HECW2: variants seen among roughly 807,000 people sequenced by gnomAD.
The protein encoded by HECW2 is HECT, C2 and WW domain containing E3 ubiquitin protein ligase 2.
Under a neutral mutation model 175.2 loss-of-function variants are expected in HECW2, and 61 were observed. The observed-to-expected ratio is 0.35, with a 90% CI of 0.28 to 0.43. The LOEUF is 0.43. Ranked by LOEUF, HECW2 falls within the 20% of genes least tolerant of loss-of-function variation. The pLI is 1.00. For synonymous variants in HECW2, 671 were observed against 731.0 expected (o/e 0.92, Z 1.32); for missense variants, 1,524 against 2,000.5 (o/e 0.76, Z 4.54).
At chr2:196,344,625 G>A (rs1477644397) in intron 2 of HECW2, among the ~76,000 whole-genome samples, 1 of 152,128 alleles carries the variant, frequency 6.6e-6, no homozygotes, top group African/African-American at 2.4e-5. Context: ...TGTCTTAGTG[G>A]CCCAGAATAG....
chr2:196,324,675 TA>T (rs1692078103), intron 6 of HECW2, among the ~76,000 whole-genome samples: 1 of 152,206 alleles, frequency 6.6e-6, no homozygotes, highest in African/African-American at 2.4e-5. Context: ...TAAATGTTCA[TA>T]TTTTATTCAT....
intron 1 of HECW2, 34 bp from the exon 2 acceptor site, chr2:196,433,492 C>G: frequency 6.7e-7 from 1 of 1,489,250 alleles, no homozygotes; most frequent in East Asian, 2.3e-5. Context: ...AACATTAGTG[C>G]TACAATACGA....
intron 1 of HECW2, among the ~76,000 whole-genome samples, chr2:196,539,354 C>T (rs1219672792): frequency 3.3e-5 from 5 of 152,268 alleles, no homozygotes; most frequent in South Asian, 4.1e-4. Context: ...TTACGTAGGC[C>T]GGACGCAGTG....
At chr2:196,575,934 T>A (rs1174688148) in intron 1 of HECW2, among the ~76,000 whole-genome samples, 1 of 150,436 alleles carries the variant, frequency 6.6e-6, no homozygotes, top group Non-Finnish European at 1.5e-5. Context: ...TTATGAGGGA[T>A]CCACCCCCTC....
rs1691842640 is a variant in HECW2 at position 196,319,290 on chromosome 2, G to A, written c.1600C>T (p.Pro534Ser). ...ASFEDKPENL[P>S]ELAESSLPAG... ...GGTAAGGAGCTCTCTGCAAGCTCTGGAAGATTTTCTGGCTTATCCTCAAAG... is the reference window on the plus strand; with the variant it reads ...GGTAAGGAGCTCTCTGCAAGCTCTGAAAGATTTTCTGGCTTATCCTCAAAG... Residue 534 changes from proline to serine, a missense_variant, in exon 9 of 29, where the codon CCA (proline) becomes TCA (serine). Transcript: ENST00000644978. The A allele has an allele frequency of 6.2e-7, 1 of 1,612,080 alleles. No homozygotes were observed. Among genetic ancestry groups the A allele is most frequent in the African/African-American group, 1.3e-5 (1 of 74,974 alleles).
chr2:196,379,965 A>T (rs1239212391), intron 2 of HECW2, among the ~76,000 whole-genome samples: 2 of 151,844 alleles, frequency 1.3e-5, no homozygotes, highest in Admixed American at 6.6e-5. Context: ...TAATAAATAA[A>T]TTGTTAACTG....
Position 196,196,542 on chromosome 2 carries a change from A to C in HECW2, c.*4735T>G, listed in dbSNP as rs184041941. On this transcript the variant is annotated 3_prime_UTR_variant, in exon 29 of 29. Coordinates refer to ENST00000644978, the MANE Select transcript of HECW2 (RefSeq NM_001348768.2). The stretch of plus-strand genomic sequence containing the variant: ...CAAGGCCCAGAGGCTCACGTCTGTA[A>C]TCCCAGCACTTCGGGAGGCCAAGGT... 1 of 152,514 alleles carries C rather than the reference A, an allele frequency of 6.6e-6. No homozygotes were observed. 9.4% of individuals were successfully genotyped at this position (152,514 alleles called of 1,614,324 possible).
At position 196,292,740 on chromosome 2, in the gene HECW2, C is replaced by A. The variant is rs770145634; in HGVS notation, c.2825G>T (p.Arg942Leu). 38 of 1,611,424 alleles carry A rather than the reference C, an allele frequency of 2.4e-5. No homozygotes were observed. The highest frequency in any genetic ancestry group is 2.4e-5 in the Non-Finnish European group (28 of 1,178,024). Residue 942 changes from arginine (R) to leucine (L), a missense_variant, in exon 14 of 29, where the codon CGC (arginine) becomes CTC (leucine). Around this residue, in one of 11 missense-constraint regions of HECW2, gnomAD observed 105 missense variants for 98.1 expected, o/e 1.07. Transcript: ENST00000644978. ...CAAACACGTGTTGTTTGTAAACATG[C>A]GGTAGGCACTCTAAAGAAAAGAATG... is the stretch of plus-strand genomic sequence containing the variant. ...TVLHSNPSAY[R>L]MFTNNTCLKH...
intron 24 of HECW2, among the ~76,000 whole-genome samples, chr2:196,221,463 T>C (rs2105818950): frequency 6.6e-6 from 1 of 152,178 alleles, no homozygotes; most frequent in African/African-American, 2.4e-5. Flanking sequence ...CTTCCACCAA[T>C]TTTGAAAAAA....
At position 196,200,649 on chromosome 2, in the gene HECW2, C is replaced by T. The variant is rs914211267; in HGVS notation, c.*628G>A. ...AATGGTTTGTCTTTAGCCATAATTA[C>T]ACACATACCACTTGCATATACATTG... On this transcript the variant is annotated 3_prime_UTR_variant, in exon 29 of 29. Coordinates refer to ENST00000644978, the MANE Select transcript of HECW2 (RefSeq NM_001348768.2). 1.3e-5 allele frequency: 2 copies of T among 152,636 alleles called. No homozygotes were observed. The highest frequency in any genetic ancestry group is 4.8e-5 in the African/African-American group (2 of 41,454). The allele number at this position is 152,636 out of a possible 1,614,324, so 9.5% of individuals were successfully genotyped here.
intron 10 of HECW2, among the ~76,000 whole-genome samples, chr2:196,310,212 C>A (rs1449282043): frequency 6.6e-6 from 1 of 152,140 alleles, no homozygotes; most frequent in African/African-American, 2.4e-5. Context: ...TTTCAATGTG[C>A]AATGGGGAGA....
Position 196,264,986 on chromosome 2 carries a change from G to A in HECW2, c.3335+6207C>T, listed in dbSNP as rs573881444. On this transcript the variant is annotated intron_variant, in intron 17 of 28. Transcript: ENST00000644978. The stretch of plus-strand genomic sequence containing the variant: ...TATACCTTTGGATGGCTTCTAAAAC[G>A]TTATCTTAATGATATTGCCATGATA... Among the ~76,000 whole-genome samples, 76 of 152,026 alleles carry A rather than the reference G, an allele frequency of 5.0e-4. No homozygotes were observed. The Middle Eastern group carries it at 0.01, about 20-fold the overall frequency.
chr2:196,274,373 G>A (rs1455883092), intron 15 of HECW2, among the ~76,000 whole-genome samples: 4 of 152,184 alleles, frequency 2.6e-5, no homozygotes, highest in African/African-American at 9.7e-5. Context: ...TTTACCAAGT[G>A]GCACAGAAGT....
At chr2:196,370,231 G>T (rs971106113) in intron 2 of HECW2, among the ~76,000 whole-genome samples, 1 of 152,098 alleles carries the variant, frequency 6.6e-6, no homozygotes, top group Non-Finnish European at 1.5e-5. Flanking sequence ...TCTTTAGTCA[G>T]CAGGTGATGA....
At position 196,318,399 on chromosome 2, in the gene HECW2, A is replaced by T. The variant is rs551829305; in HGVS notation, c.2338+153T>A. Reference sequence around the variant, plus strand: ...TCCTTCTCTTCCTGGCCCTGTTTTCAATCTTGCCTCTCTTCTTGCCTGCTG... The same window carrying T: ...TCCTTCTCTTCCTGGCCCTGTTTTCTATCTTGCCTCTCTTCTTGCCTGCTG... On this transcript the variant is annotated intron_variant, in intron 9 of 28. Transcript: ENST00000644978. Among the ~76,000 whole-genome samples the T allele has an allele frequency of 4.6e-5, 7 of 152,278 alleles. No homozygotes were observed. In the East Asian group the frequency reaches 1.4e-3, roughly 29 times the overall value.
At chr2:196,581,682 A>T (rs1391459427) in intron 1 of HECW2, among the ~76,000 whole-genome samples, 8 of 152,228 alleles carry the variant, frequency 5.3e-5, no homozygotes, top group African/African-American at 1.7e-4. Context: ...GACTTCCAAG[A>T]TAGAAAATAA....
At chr2:196,484,941 T>G (rs1399280825) in intron 1 of HECW2, among the ~76,000 whole-genome samples, 2 of 152,166 alleles carry the variant, frequency 1.3e-5, no homozygotes, top group Non-Finnish European at 2.9e-5. Context: ...AAGATGAAAC[T>G]GTTAGAGGTT....
intron 1 of HECW2, among the ~76,000 whole-genome samples, chr2:196,567,935 A>G (rs1448524495): frequency 6.6e-6 from 1 of 152,218 alleles, no homozygotes; most frequent in East Asian, 1.9e-4. Context: ...CATGTTATCC[A>G]GTAAATATTT....
intron 28 of HECW2, among the ~76,000 whole-genome samples, chr2:196,205,441 C>T (rs1575216750): frequency 6.7e-6 from 1 of 148,860 alleles, no homozygotes; most frequent in Admixed American, 6.6e-5. Flanking sequence ...AGATTATCCA[C>T]ATTTTGAGGA....
Sources: allele counts gnomAD v4.1 joint callset (sites outside exome capture counted in the v4.1 genomes callset), GRCh38; gene constraint gnomAD v4.1.1; regional missense constraint gnomAD v4.1.1; transcripts MANE v1.5; gene names NCBI Gene and HGNC (gene_info 2026-07-23, HGNC 2026-07-21).